CYFIP1: variants seen among roughly 807,000 people sequenced by gnomAD.
CYFIP1 encodes the protein cytoplasmic FMR1-interacting protein 1.
In CYFIP1, 58 loss-of-function variants were observed where a neutral mutation model predicts 163.5. The ratio of observed to expected loss-of-function variants is 0.35; its 90% CI spans 0.29 to 0.44. CYFIP1 has a LOEUF of 0.44. Among genes scored for constraint, CYFIP1 ranks in the 20% least tolerant of loss-of-function variants. The pLI, the probability that CYFIP1 is intolerant of heterozygous loss-of-function variation, is 1.00. For missense variants in CYFIP1, 1,338 were observed against 1,653.8 expected (o/e 0.81, Z 3.31); for synonymous variants, 663 against 660.7 (o/e 1.00, Z -0.05).
intron 1 of CYFIP1, among the ~76,000 whole-genome samples, chr15:22,975,056 A>C (rs1285689649): frequency 1.3e-5 from 2 of 151,878 alleles, no homozygotes; most frequent in African/African-American, 4.8e-5. Context: ...TAGTCAGTTT[A>C]TTTCCTCTTC....
At chr15:22,887,261 TAC>T (rs1334954844) in intron 23 of CYFIP1, among the ~76,000 whole-genome samples, 2 of 152,160 alleles carry the variant, frequency 1.3e-5, no homozygotes, top group African/African-American at 4.8e-5. Context: ...CAAAACTGAT[TAC>T]AGTGACGAGA....
intron 3 of CYFIP1, among the ~76,000 whole-genome samples, chr15:22,945,405 T>C (rs2062024912): frequency 1.3e-5 from 2 of 152,104 alleles, no homozygotes; most frequent in South Asian, 2.1e-4. Context: ...GAGGAAAAGT[T>C]AGGAGCACGC....
At chr15:22,875,607 A>G (rs2059558873) in intron 26 of CYFIP1, 1 of 235,272 alleles carries the variant, frequency 4.3e-6, no homozygotes, top group Non-Finnish European at 8.5e-6. Context: ...TTACCTGTCT[A>G]AAAGCTCTCG....
intron 10 of CYFIP1, among the ~76,000 whole-genome samples, chr15:22,932,630 C>T (rs1256450107): frequency 2.0e-5 from 3 of 152,118 alleles, no homozygotes; most frequent in Non-Finnish European, 2.9e-5. Context: ...AGGTTGGCTA[C>T]GGGCACAGTG....
At chr15:22,894,176 G>A (rs545256048) in intron 22 of CYFIP1, among the ~76,000 whole-genome samples, 4 of 152,194 alleles carry the variant, frequency 2.6e-5, no homozygotes, top group African/African-American at 7.2e-5. Context: ...CAATGGTGAC[G>A]GCGGGGTGCG....
At chr15:22,974,303 G>A (rs1199295570) in intron 1 of CYFIP1, among the ~76,000 whole-genome samples, 1 of 152,136 alleles carries the variant, frequency 6.6e-6, no homozygotes, top group Non-Finnish European at 1.5e-5. Context: ...GAGCAAGGCC[G>A]GGCCTGGTGG....
intron 22 of CYFIP1, among the ~76,000 whole-genome samples, chr15:22,900,499 C>T (rs569822261): frequency 5.3e-5 from 8 of 151,206 alleles, no homozygotes; most frequent in Admixed American, 2.6e-4. Flanking sequence ...CCCGGGTTCA[C>T]GCCATTCTCC....
chr15:22,895,054 G>A (rs184208651), intron 22 of CYFIP1, among the ~76,000 whole-genome samples: 391 of 147,292 alleles, frequency 2.7e-3, no homozygotes, highest in African/African-American at 9.2e-3. Flanking sequence ...TTGCTCTGTC[G>A]CCCAGGCTGG....
At chr15:22,936,476 A>C (rs1311733767) in intron 9 of CYFIP1, among the ~76,000 whole-genome samples, 2 of 152,204 alleles carry the variant, frequency 1.3e-5, no homozygotes, top group Non-Finnish European at 2.9e-5. Context: ...CATCCTCAGG[A>C]TATCCCCCCA....
chr15:22,919,987 T>C (rs2061118320), intron 13 of CYFIP1, among the ~76,000 whole-genome samples: 1 of 151,108 alleles, frequency 6.6e-6, no homozygotes, highest in African/African-American at 2.4e-5. Flanking sequence ...ATGCCACTGC[T>C]CTCCAGCCTG....
At chr15:22,900,054 T>C (rs1361184884) in intron 22 of CYFIP1, among the ~76,000 whole-genome samples, 1 of 152,092 alleles carries the variant, frequency 6.6e-6, no homozygotes, top group Non-Finnish European at 1.5e-5. Context: ...AAAAGATATG[T>C]TCAATCCTCA....
chr15:22,945,343 C>T (rs2062022525), intron 3 of CYFIP1, among the ~76,000 whole-genome samples: 1 of 152,176 alleles, frequency 6.6e-6, no homozygotes, highest in South Asian at 2.1e-4. Context: ...CTCACAGGGC[C>T]TCCCGGTCCC....
In CYFIP1 at chr15:22,921,721, G is replaced by A. The variant is rs2061185377; in HGVS notation, c.1360-2863C>T. ...GTGAAGGTTGCAGTAAGCTGAGATT[G>A]TGCCACTGCACTCTAGCCTGGGCAA... On this transcript the variant is annotated intron_variant, in intron 13 of 30. Transcript: ENST00000617928. Among the ~76,000 whole-genome samples, 4 of 143,308 alleles carry A rather than the reference G, an allele frequency of 2.8e-5. No homozygotes were observed. In the South Asian group the frequency reaches 8.9e-4, roughly 32 times the overall value. The allele number at this position is 143,308 out of a possible 152,430, so 94.0% of individuals were successfully genotyped here. A position where few individuals can be genotyped will look rare whatever the true frequency, so the allele number is the denominator to read the frequency against.
chr15:22,922,945 T>C (rs548514573), intron 13 of CYFIP1, among the ~76,000 whole-genome samples: 3 of 151,110 alleles, frequency 2.0e-5, no homozygotes, highest in Admixed American at 1.3e-4. Flanking sequence ...TGAGCTGAGA[T>C]CATGCCACTG....
At chr15:22,906,744 C>T (rs1595565355) in intron 21 of CYFIP1, among the ~76,000 whole-genome samples, 1 of 152,104 alleles carries the variant, frequency 6.6e-6, no homozygotes, top group Admixed American at 6.6e-5. Context: ...GGATTACAGC[C>T]GTGAGCCACA....
intron 11 of CYFIP1, among the ~76,000 whole-genome samples, chr15:22,930,872 A>G (rs28507705): frequency 0.066 from 10,086 of 152,244 alleles, 1,073 homozygotes; most frequent in African/African-American, 0.23. Context: ...TAAAAAATTT[A>G]GCACAGCCTA....
rs367976925 is a variant in CYFIP1 at position 22,903,693 on chromosome 15, C to A, written c.2588+13G>T. On this transcript the variant is annotated intron_variant, in intron 22 of 30. Transcript: ENST00000617928. ...GCCTCGCCTGTGGGCGCCTGTGTGGCGGGCACGCTCACCGGTTGGTAGAGC... is the reference window on the plus strand; with the variant it reads ...GCCTCGCCTGTGGGCGCCTGTGTGGAGGGCACGCTCACCGGTTGGTAGAGC... 4 of 1,612,824 alleles carry A rather than the reference C, an allele frequency of 2.5e-6. No individual in the cohort carries two copies. Among genetic ancestry groups the A allele is most frequent in the Non-Finnish European group, 3.4e-6 (4 of 1,179,870 alleles).
In CYFIP1 at chr15:22,868,537, TGCA is replaced by T. The variant is rs776215429; in HGVS notation, c.*1488_*1490del. The T allele has an allele frequency of 1.1e-4, 17 of 152,058 alleles. No homozygotes were observed. Among genetic ancestry groups the T allele is most frequent in the Non-Finnish European group, 2.2e-4 (15 of 68,016 alleles). The allele number at this position is 152,058 out of a possible 1,614,324, so 9.4% of individuals were successfully genotyped here. On this transcript the variant is annotated 3_prime_UTR_variant, in exon 31 of 31. Coordinates refer to ENST00000617928, the MANE Select transcript of CYFIP1 (RefSeq NM_014608.6). ...TAAGCACAGCTACCACCTCTAAATCTGCAGCAGAATGCTGGCCCCAGGGTTATT... is the reference window on the plus strand; with the variant it reads ...TAAGCACAGCTACCACCTCTAAATCTGCAGAATGCTGGCCCCAGGGTTATT...
chr15:22,932,116 G>C lies in CYFIP1; in HGVS notation c.1110+107C>G, dbSNP rs866832072. 5.6e-6 allele frequency: 4 copies of C among 719,262 alleles called. No homozygotes were observed. In the South Asian group the frequency reaches 5.6e-5, roughly 10 times the overall value. 44.6% of individuals were successfully genotyped at this position (719,262 alleles called of 1,614,324 possible). On this transcript the variant is annotated intron_variant, in intron 11 of 30. Transcript: ENST00000617928. ...CCCTGTCATTATGTGACATATGATC[G>C]TATCTGGTAGTAAACTGTTTTTCAA... is the stretch of plus-strand genomic sequence containing the variant.
Sources: allele counts gnomAD v4.1 joint callset (sites outside exome capture counted in the v4.1 genomes callset), GRCh38; gene constraint gnomAD v4.1.1; transcripts MANE v1.5; gene names NCBI Gene and HGNC (gene_info 2026-07-23, HGNC 2026-07-21).